MYH9: variants seen among roughly 807,000 people sequenced by gnomAD.
MYH9 encodes myosin-9.
MYH9 carries 29 observed loss-of-function variants against 241.9 expected under a neutral mutation model. The observed-to-expected ratio is 0.12, with a 90% CI of 0.09 to 0.16. MYH9 has a LOEUF of 0.16. Ranked by LOEUF, MYH9 falls within the 10% of genes least tolerant of loss-of-function variation. The pLI, the probability that MYH9 is intolerant of heterozygous loss-of-function variation, is 1.00. For synonymous variants in MYH9, 1,047 were observed against 1,062.6 expected (o/e 0.99, Z 0.29); for missense variants, 1,803 against 2,595.5 (o/e 0.69, Z 6.63).
At chr22:36,322,277 C>T (rs943722118) in intron 6 of MYH9, 152 bp downstream of exon 6, 17 of 835,230 alleles carry the variant, frequency 2.0e-5, no homozygotes, top group Admixed American at 1.0e-4. Context: ...AACTGGCATT[C>T]GGTCTGGCCT....
At chr22:36,342,640 A>T (rs1475470163) in intron 2 of MYH9, among the ~76,000 whole-genome samples, 1 of 152,186 alleles carries the variant, frequency 6.6e-6, no homozygotes, top group East Asian at 1.9e-4. Flanking sequence ...CCAAAAAAAA[A>T]AAAAAGATTC....
rs754336822 is a variant in MYH9, at chr22:36,318,189, T to C, written c.1227+18A>G. 1 of 1,609,518 alleles carries C rather than the reference T, an allele frequency of 6.2e-7. No homozygotes were observed. Among genetic ancestry groups the C allele is most frequent in the East Asian group, 2.2e-5 (1 of 44,856 alleles). The stretch of plus-strand genomic sequence containing the variant: ...TCACCCAGGAGGCAGCCAGCTGCCC[T>C]GGCCCCAGAGGACATACCTGCTCTT... On this transcript the variant is annotated intron_variant, in intron 11 of 40. Transcript: ENST00000216181.
At chr22:36,365,369 G>T (rs2017995372) in intron 1 of MYH9, among the ~76,000 whole-genome samples, 1 of 152,220 alleles carries the variant, frequency 6.6e-6, no homozygotes, top group South Asian at 2.1e-4. Flanking sequence ...CTCAGCTCGG[G>T]CCTGGAGGCA....
intron 1 of MYH9, among the ~76,000 whole-genome samples, chr22:36,387,557 T>C (rs1315101884): frequency 6.6e-6 from 1 of 151,372 alleles, no homozygotes; most frequent in Non-Finnish European, 1.5e-5. Flanking sequence ...GAGCGCCGGG[T>C]CCCGAGGCCG....
intron 1 of MYH9, among the ~76,000 whole-genome samples, chr22:36,380,402 G>C (rs2018238248): frequency 1.3e-5 from 2 of 152,218 alleles, no homozygotes; most frequent in South Asian, 2.1e-4. Context: ...TGGGGACAGA[G>C]TGGGAAGGGG....
Position 36,282,513 on chromosome 22 carries a change from C to T in MYH9, c.*155G>A. ...GGAAGCCAAATGCCCTCAACAACAC[C>T]TGGAGGGAAACGGGATGGGGGGACG... is the stretch of plus-strand genomic sequence containing the variant. On this transcript the variant is annotated 3_prime_UTR_variant, in exon 41 of 41. Coordinates refer to ENST00000216181, the MANE Select transcript of MYH9 (RefSeq NM_002473.6). 1 of 799,706 alleles carries T rather than the reference C, an allele frequency of 1.3e-6. No individual in the cohort carries two copies. The highest frequency in any genetic ancestry group is 2.2e-6 in the Non-Finnish European group (1 of 452,094). The allele number at this position is 799,706 out of a possible 1,614,324, so 49.5% of individuals were successfully genotyped here.
Position 36,288,169 on chromosome 22 carries a change from C to A in MYH9, c.4932+83G>T. 1.3e-6 allele frequency: 2 copies of A among 1,573,010 alleles called. No homozygotes were observed. The highest frequency in any genetic ancestry group is 1.7e-6 in the Non-Finnish European group (2 of 1,153,246). On this transcript the variant is annotated intron_variant, in intron 34 of 40. Coordinates refer to ENST00000216181, the MANE Select transcript of MYH9 (RefSeq NM_002473.6). The surrounding 1 kb of genome is among the most constrained non-coding windows in gnomAD (Gnocchi z 4.8). ...AGGTGCCACCCTGCCAGGTTCCCGC[C>A]CTGGGCCGAGCCCTGGCACCTTCAT...
At chr22:36,332,691 C>T (rs1002828398) in intron 3 of MYH9, among the ~76,000 whole-genome samples, 9 of 77,162 alleles carry the variant, frequency 1.2e-4, no homozygotes, top group Non-Finnish European at 2.2e-4. Flanking sequence ...AAAAAAAAAA[C>T]CTCAAGGTAT....
intron 1 of MYH9, among the ~76,000 whole-genome samples, chr22:36,383,070 A>C (rs558603082): frequency 6.6e-6 from 1 of 151,682 alleles, no homozygotes; most frequent in Non-Finnish European, 1.5e-5. Flanking sequence ...AAAACACAAA[A>C]ATTAGCCAGG....
chr22:36,386,102 G>A (rs1350415439), intron 1 of MYH9, among the ~76,000 whole-genome samples: 2 of 152,176 alleles, frequency 1.3e-5, no homozygotes, highest in African/African-American at 4.8e-5. Flanking sequence ...GGGCCCCGGG[G>A]ATTTCACAGG....
chr22:36,311,138 A>C (rs2017057074), intron 14 of MYH9, among the ~76,000 whole-genome samples: 1 of 152,200 alleles, frequency 6.6e-6, no homozygotes, highest in African/African-American at 2.4e-5. Context: ...CTGCCTAATC[A>C]CAGCAATTAA....
At chr22:36,283,042 A>G (rs1222055129) in intron 40 of MYH9, among the ~76,000 whole-genome samples, 1 of 152,216 alleles carries the variant, frequency 6.6e-6, no homozygotes, top group Non-Finnish European at 1.5e-5. Flanking sequence ...AAAACAGCTC[A>G]GGCAAACAGG....
At chr22:36,297,134 A>C in intron 24 of MYH9, 120 bp from the exon 25 acceptor site, 1 of 1,181,462 alleles carries the variant, frequency 8.5e-7, no homozygotes, top group Non-Finnish European at 1.2e-6. Flanking sequence ...AAGCATCACA[A>C]ACACACAGAC....
chr22:36,380,279 G>T (rs561835686), intron 1 of MYH9, among the ~76,000 whole-genome samples: 1 of 152,200 alleles, frequency 6.6e-6, no homozygotes, highest in Admixed American at 6.5e-5. Context: ...CCTTGAGAAG[G>T]GGGGTAGGGC....
chr22:36,360,422 G>T (rs2017919792), intron 1 of MYH9, among the ~76,000 whole-genome samples: 1 of 152,042 alleles, frequency 6.6e-6, no homozygotes, highest in Admixed American at 6.6e-5. Context: ...AAAGAAATCT[G>T]CTTAACTTAG....
chr22:36,315,661 T>C (rs1238642422), intron 12 of MYH9, among the ~76,000 whole-genome samples: 2 of 151,990 alleles, frequency 1.3e-5, no homozygotes, highest in East Asian at 1.9e-4. Context: ...GGTGGGAGAA[T>C]GGCTTATGCC....
intron 1 of MYH9, among the ~76,000 whole-genome samples, chr22:36,369,107 G>A (rs2018054377): frequency 6.6e-6 from 1 of 152,152 alleles, no homozygotes; most frequent in Non-Finnish European, 1.5e-5. Flanking sequence ...TCCCCACTTT[G>A]AGGACATCAA....
At chr22:36,346,756 C>T (rs1343328710) in intron 2 of MYH9, among the ~76,000 whole-genome samples, 1 of 152,280 alleles carries the variant, frequency 6.6e-6, no homozygotes, top group South Asian at 2.1e-4. Context: ...AGGCACGCCA[C>T]ACTATGCCCA....
At chr22:36,335,397 G>A (rs932657781) in intron 3 of MYH9, among the ~76,000 whole-genome samples, 10 of 152,242 alleles carry the variant, frequency 6.6e-5, no homozygotes, top group African/African-American at 2.4e-4. Context: ...GTGCCTTTGT[G>A]TGCTGACGGC....
Sources: allele counts gnomAD v4.1 joint callset (sites outside exome capture counted in the v4.1 genomes callset), GRCh38; gene constraint gnomAD v4.1.1; non-coding constraint Gnocchi (gnomAD v3.1); transcripts MANE v1.5; gene names NCBI Gene and HGNC (gene_info 2026-07-23, HGNC 2026-07-21).